Variants in DIS3L observed in about 807,000 individuals in gnomAD.
DIS3L encodes the protein DIS3 like exosome 3'-5' exoribonuclease.
In DIS3L, 100 loss-of-function variants were observed where a neutral mutation model predicts 120.3. The ratio of observed to expected loss-of-function variants is 0.83; its 90% CI spans 0.71 to 0.98. The LOEUF is 0.98. Among genes scored for constraint, DIS3L ranks in the 50% least tolerant of loss-of-function variants. The pLI, the probability that DIS3L is intolerant of heterozygous loss-of-function variation, is 0.00. For synonymous variants in DIS3L, 426 were observed against 470.6 expected, an observed-to-expected ratio of 0.91 and a Z score of 1.23; for missense variants, 1,196 against 1,314.2, an observed-to-expected ratio of 0.91 and a Z score of 1.39.
chr15:66,300,230 A>T (rs1421897140), intron 2 of DIS3L, among the ~76,000 whole-genome samples: 2 of 152,228 alleles, frequency 1.3e-5, no homozygotes, highest in East Asian at 3.8e-4. Context: ...TGACGTACTG[A>T]TAGATGCTAC....
chr15:66,333,283 C>T lies in DIS3L; in HGVS notation c.3136C>T (p.Leu1046=). The change falls in exon 17 of 17, where the codon CTG becomes TTG. Residue 1046 remains leucine (L), a synonymous_variant. Coordinates refer to ENST00000319212, the MANE Select transcript of DIS3L (RefSeq NM_001143688.3). ...LLEEIRDLAL[L]DVSNNYGI is the part of the protein sequence containing the mutation. ...AGAGGAGATACGGGACCTAGCTCTCCTGGATGTTTCAAACAATTATGGAAT... is the reference window on the plus strand; with the variant it reads ...AGAGGAGATACGGGACCTAGCTCTCTTGGATGTTTCAAACAATTATGGAAT... 6.2e-7 allele frequency: 1 copy of T among 1,604,826 alleles called. No individual in the cohort carries two copies. The highest frequency in any genetic ancestry group is 8.5e-7 in the Non-Finnish European group (1 of 1,177,184).
rs902503635 is a variant in DIS3L at position 66,293,633 on chromosome 15, A to T, written c.37A>T (p.Thr13Ser). ...QKREKVLLLR[T>S]FQGRTLRIVR... ...GCGGGAGAAGGTGCTGCTGCTGAGGACCTTCCAGGGCCGCACGCTGCGGAT... is the reference window on the plus strand; with the variant it reads ...GCGGGAGAAGGTGCTGCTGCTGAGGTCCTTCCAGGGCCGCACGCTGCGGAT... Residue 13 changes from threonine to serine, a missense_variant, in exon 1 of 17, where the codon ACC (threonine) becomes TCC (serine). Physicochemically the swap from Thr to Ser is moderately conservative, Grantham distance 58. Transcript: ENST00000319212. 1 of 1,447,782 alleles carries T rather than the reference A, an allele frequency of 6.9e-7. No individual in the cohort carries two copies. The highest frequency in any genetic ancestry group is 1.3e-5 in the South Asian group (1 of 77,070). The allele number at this position is 1,447,782 out of a possible 1,614,324, so 89.7% of individuals were successfully genotyped here. A position where few individuals can be genotyped will look rare whatever the true frequency, so the allele number is the denominator to read the frequency against.
At chr15:66,331,556 CAA>C (rs34478583) in intron 14 of DIS3L, 13 of 153,606 alleles carry the variant, frequency 8.5e-5, no homozygotes, top group Middle Eastern at 2.8e-3. Flanking sequence ...CTCCATATCT[CAA>C]AAAAAAAAAG....
intron 7 of DIS3L, among the ~76,000 whole-genome samples, chr15:66,315,464 A>G (rs948977014): frequency 1.3e-5 from 2 of 152,190 alleles, no homozygotes; most frequent in African/African-American, 4.8e-5. Flanking sequence ...TAACCTCACT[A>G]TGTGATGAAA....
At chr15:66,294,073 C>G in intron 1 of DIS3L, 1 of 986,274 alleles carries the variant, frequency 1.0e-6, no homozygotes, top group Non-Finnish European at 1.2e-6. Context: ...GCCGCAACCT[C>G]GCGCCGTGGA....
intron 9 of DIS3L, among the ~76,000 whole-genome samples, chr15:66,321,384 G>A (rs2092881304): frequency 6.6e-6 from 1 of 151,990 alleles, no homozygotes; most frequent in Admixed American, 6.6e-5. Context: ...TAATGGTTAT[G>A]GTAAATTACG....
chr15:66,302,253 A>T (rs76964555), intron 2 of DIS3L, among the ~76,000 whole-genome samples: 1,985 of 152,288 alleles, frequency 0.013, 19 homozygotes, highest in Middle Eastern at 0.031. Flanking sequence ...CTGTAGTCCT[A>T]GCTGCTTGTG....
At chr15:66,302,282 A>G (rs1436636002) in intron 2 of DIS3L, among the ~76,000 whole-genome samples, 1 of 152,142 alleles carries the variant, frequency 6.6e-6, no homozygotes, top group Non-Finnish European at 1.5e-5. Flanking sequence ...GTGGGAGACC[A>G]CTTGAGCCTG....
rs1054597521 is a variant in DIS3L, at chr15:66,318,576, T to C, written c.1122T>C (p.Ile374=). The C allele has an allele frequency of 6.2e-7, 1 of 1,613,974 alleles. No homozygotes were observed. The highest frequency in any genetic ancestry group is 8.5e-7 in the Non-Finnish European group (1 of 1,179,998). The change falls in exon 8 of 17, where the codon ATT becomes ATC. Residue 374 remains isoleucine (I), a synonymous_variant. Transcript: ENST00000319212. ...TGGTTACACCTTGGGATTACAGAAT[T>C]CCCAAAATTCGAATTAGCACTCAGC... ...KILVTPWDYR[I]PKIRISTQQA... is the part of the protein sequence containing the mutation.
intron 2 of DIS3L, among the ~76,000 whole-genome samples, chr15:66,297,091 C>T (rs2092596101): frequency 6.6e-6 from 1 of 152,140 alleles, no homozygotes; most frequent in South Asian, 2.1e-4. Context: ...ACTTTGTTTA[C>T]CTGTTAAGCA....
chr15:66,318,617 A>G lies in DIS3L; in HGVS notation c.1163A>G (p.Gln388Arg). The change falls in exon 8 of 17, where the codon CAG becomes CGG. Residue 388 changes from glutamine to arginine, a missense_variant and splice_region_variant. By Grantham distance (43) the Gln-to-Arg change is conservative. Transcript: ENST00000319212. ...RISTQQAETL[Q>R]DFRVVVRIDS... ...AGCACTCAGCAAGCAGAAACCCTCC[A>G]GGTAGTTGGCATTCTACCTCTACTA... 6.2e-7 allele frequency: 1 copy of G among 1,613,810 alleles called. No individual in the cohort carries two copies. The highest frequency in any genetic ancestry group is 8.5e-7 in the Non-Finnish European group (1 of 1,179,844).
intron 4 of DIS3L, 133 bp from the exon 5 acceptor site, chr15:66,311,591 A>G: frequency 2.0e-6 from 2 of 996,574 alleles, no homozygotes; most frequent in Non-Finnish European, 3.0e-6. Flanking sequence ...AGTGAGGCTC[A>G]GGAAGTCCTG....
intron 2 of DIS3L, among the ~76,000 whole-genome samples, chr15:66,295,840 C>T (rs867418831): frequency 6.6e-6 from 1 of 152,194 alleles, no homozygotes; most frequent in Non-Finnish European, 1.5e-5. Flanking sequence ...TAGAATTATA[C>T]GTCCAACCTT....
intron 11 of DIS3L, 138 bp from the exon 12 acceptor site, chr15:66,325,693 T>C: frequency 3.0e-6 from 3 of 984,004 alleles, no homozygotes; most frequent in Non-Finnish European, 4.4e-6. Context: ...TCCAGGAGAT[T>C]GAGGCAGCAG....
rs986389158 is a variant in DIS3L at position 66,293,784 on chromosome 15, C to G, written c.139+49C>G. 197 of 1,138,670 alleles carry G rather than the reference C, an allele frequency of 1.7e-4. 1 individual carries two copies. The highest frequency in any genetic ancestry group is 1.9e-4 in the Non-Finnish European group (180 of 929,308). 70.5% of individuals were successfully genotyped at this position (1,138,670 alleles called of 1,614,324 possible). A position where few individuals can be genotyped will look rare whatever the true frequency, so the allele number is the denominator to read the frequency against. ...GACGGGGCCGGCGGGAGCGGGCGGC[C>G]GCAGTGAGGGGCTGAGCGCGGCCGG... On this transcript the variant is annotated intron_variant, in intron 1 of 16. Transcript: ENST00000319212.
chr15:66,325,915 A>G lies in DIS3L; in HGVS notation c.1752A>G (p.Ser584=), dbSNP rs2092930857. ...KVWYGRTIIR[S]AYKLFYEAAQ... ...GGTATGGCAGAACCATTATTCGATC[A>G]GCATACAAACTGTTCTATGAAGCAG... The change falls in exon 12 of 17, where the codon TCA becomes TCG. Residue 584 remains serine, a synonymous_variant. Coordinates refer to ENST00000319212, the MANE Select transcript of DIS3L (RefSeq NM_001143688.3). The G allele has an allele frequency of 1.2e-6, 2 of 1,614,056 alleles. No individual in the cohort carries two copies. Among genetic ancestry groups the G allele is most frequent in the Non-Finnish European group, 1.7e-6 (2 of 1,180,002 alleles).
intron 9 of DIS3L, among the ~76,000 whole-genome samples, chr15:66,322,064 T>C (rs1195573571): frequency 6.6e-6 from 1 of 152,186 alleles, no homozygotes; most frequent in Non-Finnish European, 1.5e-5. Flanking sequence ...TATTTAACAT[T>C]AGTTTCTGGA....
chr15:66,299,044 G>A (rs2092619497), intron 2 of DIS3L, among the ~76,000 whole-genome samples: 1 of 152,164 alleles, frequency 6.6e-6, no homozygotes, highest in Admixed American at 6.6e-5. Context: ...TGAGGGGGAC[G>A]CCTAGGTGGA....
At chr15:66,331,843 G>C (rs762316943) in intron 14 of DIS3L, 32 bp from the exon 15 acceptor site, 27 of 1,517,580 alleles carry the variant, frequency 1.8e-5, no homozygotes, top group Non-Finnish European at 2.7e-6. Flanking sequence ...CCAGGGGAGT[G>C]TTAAAATGCT....
Sources: allele counts gnomAD v4.1 joint callset (sites outside exome capture counted in the v4.1 genomes callset), GRCh38; gene constraint gnomAD v4.1.1; transcripts MANE v1.5; gene names NCBI Gene and HGNC (gene_info 2026-07-23, HGNC 2026-07-21).